Variants in NUP133 observed in about 807,000 individuals in gnomAD.
NUP133 encodes the protein nuclear pore complex protein Nup133.
In NUP133, 66 loss-of-function variants were observed where a neutral mutation model predicts 146.2. That is an observed-to-expected ratio of 0.45 (90% CI 0.37 to 0.55). NUP133 has a LOEUF of 0.55. Among genes scored for constraint, NUP133 ranks in the 20% least tolerant of loss-of-function variants. NUP133 has a pLI of 0.00. For missense variants in NUP133, 1,277 were observed against 1,374.8 expected, an observed-to-expected ratio of 0.93 and a Z score of 1.12; for synonymous variants, 521 against 498.8, an observed-to-expected ratio of 1.04 and a Z score of -0.59.
At position 229,487,551 on chromosome 1, in the gene NUP133, C is replaced by G. The variant is rs147196451; in HGVS notation, c.1257G>C (p.Leu419=). The G allele has an allele frequency of 3.1e-6, 5 of 1,613,652 alleles. No homozygotes were observed. The highest frequency in any genetic ancestry group is 4.2e-6 in the Non-Finnish European group (5 of 1,179,780). The change falls in exon 10 of 26, where the codon CTG becomes CTC. Residue 419 remains leucine, a synonymous_variant. Coordinates refer to ENST00000261396, the MANE Select transcript of NUP133 (RefSeq NM_018230.3). The part of the protein sequence containing the change: ...VPNFSNQTAY[L]YNESAVYVCS... Reference sequence around the variant, plus strand: ...ACACATAGACAGCACTTTCGTTATACAGATAGGCAGTCTGGTTTGAAAAGT... The same window carrying G: ...ACACATAGACAGCACTTTCGTTATAGAGATAGGCAGTCTGGTTTGAAAAGT...
intron 14 of NUP133, among the ~76,000 whole-genome samples, chr1:229,475,122 A>C (rs1023781111): frequency 6.6e-6 from 1 of 151,756 alleles, no homozygotes; most frequent in Non-Finnish European, 1.5e-5. Flanking sequence ...ATAAATAAAT[A>C]AAACAAACAA....
intron 10 of NUP133, 148 bp from the exon 11 acceptor site, chr1:229,486,676 T>G: frequency 1.5e-6 from 1 of 663,890 alleles, no homozygotes. Context: ...GAACTCATCC[T>G]TTACATCCCA....
Position 229,458,199 on chromosome 1 carries a change from G to A in NUP133, c.2942C>T (p.Ser981Leu). ...LGLSKLAALA[S>L]DFSEDMLQEK... ...TTGTAGCATATCCTCTGAAAAGTCT[G>A]AAGCTAATGCAGCCAATTTACTCAA... Residue 981 changes from serine to leucine, a missense_variant, in exon 21 of 26, where the codon TCA becomes TTA. By Grantham distance (145) the Ser-to-Leu change is moderately radical. Transcript: ENST00000261396. 5 of 1,613,558 alleles carry A rather than the reference G, an allele frequency of 3.1e-6. No homozygotes were observed. Among genetic ancestry groups the A allele is most frequent in the Non-Finnish European group, 4.2e-6 (5 of 1,179,724 alleles).
In NUP133 at chr1:229,507,070, T is replaced by C. The variant is rs115994518; in HGVS notation, c.183-912A>G. On this transcript the variant is annotated intron_variant, in intron 1 of 25. Coordinates refer to ENST00000261396, the MANE Select transcript of NUP133 (RefSeq NM_018230.3). ...AAGGGCTTTGTTTCCTGACAGAGGATAACAAAGGTTTTTCTTCAAATGATC... is the reference window on the plus strand; with the variant it reads ...AAGGGCTTTGTTTCCTGACAGAGGACAACAAAGGTTTTTCTTCAAATGATC... Among the ~76,000 whole-genome samples, 249 of 152,308 alleles carry C rather than the reference T, an allele frequency of 1.6e-3. 1 individual carries two copies. The highest frequency in any genetic ancestry group is 5.8e-3 in the African/African-American group (240 of 41,574).
intron 2 of NUP133, 68 bp downstream of exon 2, chr1:229,505,972 A>C: frequency 1.1e-6 from 1 of 878,842 alleles, no homozygotes; most frequent in Non-Finnish European, 1.9e-6. Flanking sequence ...ACATAAATTT[A>C]ATCTCTATGC....
Position 229,495,938 on chromosome 1 carries a change from C to A in NUP133, c.929G>T (p.Trp310Leu). The A allele has an allele frequency of 6.2e-7, 1 of 1,610,506 alleles. No individual in the cohort carries two copies. The highest frequency in any genetic ancestry group is 1.1e-5 in the South Asian group (1 of 90,384). ...DDSSEKHAYS[W>L]DINRALKENI... ...TTCCTTCAGGGCTCTATTTATATCC[C>A]AACTGTATGCATGCTTTTCTGAAGA... The change falls in exon 7 of 26, where the codon TGG (tryptophan) becomes TTG (leucine). Residue 310 changes from tryptophan to leucine, a missense_variant. Coordinates refer to ENST00000261396, the MANE Select transcript of NUP133 (RefSeq NM_018230.3).
At chr1:229,495,126 C>T (rs747579414) in intron 8 of NUP133, among the ~76,000 whole-genome samples, 12 of 152,180 alleles carry the variant, frequency 7.9e-5, no homozygotes, top group East Asian at 1.9e-4. Context: ...CAGTGGCTCA[C>T]ACCCGTAATC....
intron 5 of NUP133, chr1:229,499,315 C>A: frequency 2.2e-6 from 1 of 464,544 alleles, no homozygotes. Context: ...ATATCACAAG[C>A]TACTATCTGA....
At chr1:229,471,060 T>A (rs532415885) in intron 14 of NUP133, among the ~76,000 whole-genome samples, 1 of 152,268 alleles carries the variant, frequency 6.6e-6, no homozygotes, top group East Asian at 1.9e-4. Flanking sequence ...ACTACTACTG[T>A]CTCTGCATAT....
chr1:229,455,047 T>C (rs1660530411), intron 21 of NUP133, among the ~76,000 whole-genome samples: 1 of 152,202 alleles, frequency 6.6e-6, no homozygotes, highest in Non-Finnish European at 1.5e-5. Flanking sequence ...ATAAATTAAC[T>C]ATCCAAGGTC....
chr1:229,485,287 G>A (rs1026891230), intron 11 of NUP133, among the ~76,000 whole-genome samples: 3 of 152,238 alleles, frequency 2.0e-5, no homozygotes, highest in African/African-American at 7.2e-5. Flanking sequence ...GCATGGTGCA[G>A]AGGACAGGTC....
intron 15 of NUP133, among the ~76,000 whole-genome samples, chr1:229,467,258 CATTA>C (rs1019341134): frequency 6.6e-6 from 1 of 152,310 alleles, no homozygotes; most frequent in African/African-American, 2.4e-5. Flanking sequence ...CTTCCTTTGT[CATTA>C]ATTAATACAT....
At position 229,477,574 on chromosome 1, in the gene NUP133, T is replaced by C. The variant is rs1314342170; in HGVS notation, c.1756+23A>G. On this transcript the variant is annotated intron_variant, in intron 13 of 25. Coordinates refer to ENST00000261396, the MANE Select transcript of NUP133 (RefSeq NM_018230.3). ...ACCAGAATATGTTCAAAACACACCG[T>C]TCCATAATTGAAACATTCTTACCCT... 3.8e-6 allele frequency: 6 copies of C among 1,581,352 alleles called. No homozygotes were observed. The East Asian group carries it at 1.1e-4, about 30-fold the overall frequency.
chr1:229,506,449 G>GTTTT (rs35852954), intron 1 of NUP133, among the ~76,000 whole-genome samples: 8 of 107,396 alleles, frequency 7.4e-5, no homozygotes, highest in South Asian at 3.3e-4. Context: ...CTAGACCAGT[G>GTTTT]TTTTTTTTTT....
At chr1:229,504,206 A>G (rs540410107) in intron 2 of NUP133, among the ~76,000 whole-genome samples, 33 of 152,162 alleles carry the variant, frequency 2.2e-4, no homozygotes, top group Non-Finnish European at 3.2e-4. Context: ...AATACATTTT[A>G]CATCACGATA....
chr1:229,481,263 CT>C (rs1309421927), intron 12 of NUP133, among the ~76,000 whole-genome samples: 1 of 152,178 alleles, frequency 6.6e-6, no homozygotes, highest in African/African-American at 2.4e-5. Flanking sequence ...TGTAAAACAT[CT>C]TAAGATGACT....
At chr1:229,452,348 T>C (rs1660470488) in intron 22 of NUP133, among the ~76,000 whole-genome samples, 177 bp downstream of exon 22, 1 of 152,228 alleles carries the variant, frequency 6.6e-6, no homozygotes, top group Non-Finnish European at 1.5e-5. Flanking sequence ...CTGATTAATT[T>C]TTCTCTAATT....
rs11444377 is a variant in NUP133, at chr1:229,458,711, ATT to A, written c.2845-417_2845-416del. Among the ~76,000 whole-genome samples, 78 of 133,008 alleles carry A rather than the reference ATT, an allele frequency of 5.9e-4. 1 individual carries two copies. Among genetic ancestry groups the A allele is most frequent in the South Asian group, 2.1e-3 (9 of 4,200 alleles). The allele number at this position is 133,008 out of a possible 152,430, so 87.3% of individuals were successfully genotyped here. A position where few individuals can be genotyped will look rare whatever the true frequency, so the allele number is the denominator to read the frequency against. On this transcript the variant is annotated intron_variant, in intron 20 of 25. Transcript: ENST00000261396. ...GTGATGTCAAATCATGATGGACTAC[ATT>A]TTTTTTTTTTTTTTTTTGAGAGAGC... is the stretch of plus-strand genomic sequence containing the variant.
chr1:229,473,792 C>A (rs1299287909), intron 14 of NUP133, among the ~76,000 whole-genome samples: 3 of 152,112 alleles, frequency 2.0e-5, no homozygotes, highest in Admixed American at 6.6e-5. Flanking sequence ...GGTTCAGCAC[C>A]ATGCGCCTGT....
Sources: gnomAD v4.1 joint callset for allele counts (sites outside exome capture counted in the v4.1 genomes callset) on GRCh38, gnomAD v4.1.1 for gene constraint, MANE v1.5 for transcripts, NCBI Gene and HGNC (gene_info 2026-07-23, HGNC 2026-07-21) for gene names.